The following ZNF813 variants were observed in gnomAD, a reference collection of about 807,000 sequenced individuals.
ZNF813 encodes the protein zinc finger protein 813.
ZNF813 carries 3 observed loss-of-function variants against 7.2 expected under a neutral mutation model. That is an observed-to-expected ratio of 0.42 (90% CI 0.19 to 1.08). The LOEUF is 1.08. Ranked by LOEUF, ZNF813 falls within the 50% of genes least tolerant of loss-of-function variation. ZNF813 has a pLI of 0.30. For synonymous variants in ZNF813, 227 were observed against 256.3 expected (o/e 0.89, Z 1.09); for missense variants, 714 against 753.3 (o/e 0.95, Z 0.61).
In ZNF813 at chr19:53,494,154, T is replaced by C. The variant is rs143093299; in HGVS notation, c.*2068T>C. The C allele has an allele frequency of 0.01, 1,527 of 152,332 alleles. 15 individuals carry two copies. Among genetic ancestry groups the C allele is most frequent in the Non-Finnish European group, 0.016 (1,117 of 68,028 alleles). 9.4% of individuals were successfully genotyped at this position (152,332 alleles called of 1,614,324 possible). A position where few individuals can be genotyped will look rare whatever the true frequency, so the allele number is the denominator to read the frequency against. On this transcript the variant is annotated 3_prime_UTR_variant, in exon 4 of 4. Coordinates refer to ENST00000396403, the MANE Select transcript of ZNF813 (RefSeq NM_001004301.4). ...TGGCACTTGAGTATCTACAGTCCTT[T>C]TTACATCCTCTTGAATACAGCTTTT...
Position 53,490,940 on chromosome 19 carries a change from C to T in ZNF813, c.708C>T (p.Ile236=). Reference sequence around the variant, plus strand: ...CACTCTTAAGGAAACATCAAATAATCCATTTAGGAGAGAAACAATATAAAT... The same window carrying T: ...CACTCTTAAGGAAACATCAAATAATTCATTTAGGAGAGAAACAATATAAAT... ...YSSLLRKHQI[I]HLGEKQYKCD... is the part of the protein sequence containing the mutation. Residue 236 remains isoleucine, a synonymous_variant, in exon 4 of 4, where the codon ATC becomes ATT. Transcript: ENST00000396403. 3 of 1,614,104 alleles carry T rather than the reference C, an allele frequency of 1.9e-6. No homozygotes were observed. Among genetic ancestry groups the T allele is most frequent in the Non-Finnish European group, 2.5e-6 (3 of 1,179,984 alleles).
At chr19:53,479,892 A>T in intron 1 of ZNF813, 7 of 934,138 alleles carry the variant, frequency 7.5e-6, no homozygotes, top group Non-Finnish European at 1.2e-5. Context: ...CAAAAAGAAG[A>T]CAAATGTGAG....
intron 1 of ZNF813, among the ~76,000 whole-genome samples, chr19:53,472,611 CT>C (rs1166123869): frequency 1.7e-3 from 224 of 128,422 alleles, no homozygotes; most frequent in African/African-American, 3.3e-3. Context: ...ACAAGTCTTT[CT>C]TTTTTTTTTT....
chr19:53,474,883 G>A (rs1333093024), intron 1 of ZNF813, among the ~76,000 whole-genome samples: 1 of 152,110 alleles, frequency 6.6e-6, no homozygotes, highest in Non-Finnish European at 1.5e-5. Flanking sequence ...TTGATTTGGA[G>A]TATAACTTGG....
At chr19:53,474,628 G>T (rs111424209) in intron 1 of ZNF813, among the ~76,000 whole-genome samples, 3,890 of 152,072 alleles carry the variant, frequency 0.026, 70 homozygotes, top group South Asian at 0.081. Context: ...AGCAGAGGTT[G>T]CAGTGAGCCA....
chr19:53,491,657 G>A lies in ZNF813; in HGVS notation c.1425G>A (p.Thr475=), dbSNP rs767350290. The A allele has an allele frequency of 2.6e-5, 42 of 1,612,960 alleles. No homozygotes were observed. In the East Asian group the frequency reaches 4.9e-4, roughly 19 times the overall value. ...KRYKCNECGK[T]FSRISALVIH... is the part of the protein sequence containing the mutation. ...ACAAGTGTAATGAGTGTGGCAAGAC[G>A]TTCAGTCGAATTTCAGCCCTCGTAA... Residue 475 remains threonine, a synonymous_variant, in exon 4 of 4, where the codon ACG becomes ACA. Coordinates refer to ENST00000396403, the MANE Select transcript of ZNF813 (RefSeq NM_001004301.4).
At position 53,483,811 on chromosome 19, in the gene ZNF813, A is replaced by G. The variant is rs781186094; in HGVS notation, c.-12A>G. ...AACCTGGAAGAGGAAGAGGAAAGCA[A>G]AGGAGTCAGGGATGGCTCTTCCTCA... On this transcript the variant is annotated 5_prime_UTR_variant, in exon 2 of 4. Transcript: ENST00000396403. 9 of 1,613,418 alleles carry G rather than the reference A, an allele frequency of 5.6e-6. No homozygotes were observed. Among genetic ancestry groups the G allele is most frequent in the Admixed American group, 1.7e-5 (1 of 60,000 alleles).
At chr19:53,473,617 G>C (rs905354640) in intron 1 of ZNF813, among the ~76,000 whole-genome samples, 3 of 152,198 alleles carry the variant, frequency 2.0e-5, no homozygotes, top group African/African-American at 7.2e-5. Flanking sequence ...ATGGGTCTTA[G>C]AGAAGTTGGA....
At chr19:53,469,851 G>T (rs113723935) in intron 1 of ZNF813, among the ~76,000 whole-genome samples, 1 of 150,746 alleles carries the variant, frequency 6.6e-6, no homozygotes, top group South Asian at 2.1e-4. Flanking sequence ...CAGAGGAGGC[G>T]CAGAGATGGT....
intron 1 of ZNF813, among the ~76,000 whole-genome samples, chr19:53,476,117 C>T (rs1376556223): frequency 6.6e-6 from 1 of 152,112 alleles, no homozygotes. Flanking sequence ...CTCACTATGA[C>T]ACCTAGATAT....
In ZNF813 at chr19:53,494,279, T is replaced by G. The variant is rs73601391; in HGVS notation, c.*2193T>G. On this transcript the variant is annotated 3_prime_UTR_variant, in exon 4 of 4. Transcript: ENST00000396403. ...TCCCAGTTTTTGCACCAAAATAAAC[T>G]GGTACGAATCTGTTATGTCTGAACA... 6.6e-6 allele frequency: 1 copy of G among 152,318 alleles called. No individual in the cohort carries two copies. Among genetic ancestry groups the G allele is most frequent in the African/African-American group, 2.4e-5 (1 of 41,568 alleles). 9.4% of individuals were successfully genotyped at this position (152,318 alleles called of 1,614,324 possible). A position where few individuals can be genotyped will look rare whatever the true frequency, so the allele number is the denominator to read the frequency against.
chr19:53,491,348 C>G lies in ZNF813; in HGVS notation c.1116C>G (p.Cys372Trp). ...TTAGTCGGAAGTCATCCCTTACATGCCATCATAGACTTCATACGGGAGAGA... is the reference window on the plus strand; with the variant it reads ...TTAGTCGGAAGTCATCCCTTACATGGCATCATAGACTTCATACGGGAGAGA... The part of the protein sequence containing the change: ...KTFSRKSSLT[C>W]HHRLHTGEKP... Residue 372 changes from cysteine (C) to tryptophan (W), a missense_variant, in exon 4 of 4, where the codon TGC becomes TGG. Coordinates refer to ENST00000396403, the MANE Select transcript of ZNF813 (RefSeq NM_001004301.4). The G allele has an allele frequency of 6.2e-7, 1 of 1,611,516 alleles. No individual in the cohort carries two copies. Among genetic ancestry groups the G allele is most frequent in the Middle Eastern group, 1.7e-4 (1 of 6,036 alleles).
chr19:53,490,354 ATT>A lies in ZNF813; in HGVS notation c.143-20_143-19del, dbSNP rs993659498. 1.9e-5 allele frequency: 30 copies of A among 1,612,532 alleles called. No individual in the cohort carries two copies. Among genetic ancestry groups the A allele is most frequent in the Admixed American group, 1.7e-5 (1 of 59,846 alleles). Reference sequence around the variant, plus strand: ...ACCATCTGTACTGAACTGGAAACCTATTCGTGTTTATATTTTGTAGATATCTC... The same window carrying A: ...ACCATCTGTACTGAACTGGAAACCTACGTGTTTATATTTTGTAGATATCTC... On this transcript the variant is annotated intron_variant, in intron 3 of 3. Coordinates refer to ENST00000396403, the MANE Select transcript of ZNF813 (RefSeq NM_001004301.4).
intron 3 of ZNF813, among the ~76,000 whole-genome samples, chr19:53,488,938 T>C (rs2086446796): frequency 1.3e-5 from 2 of 152,188 alleles, no homozygotes; most frequent in South Asian, 4.1e-4. Context: ...TTTTACTAAC[T>C]AATTTTTATG....
Position 53,491,464 on chromosome 19 carries a change from A to C in ZNF813, c.1232A>C (p.Tyr411Ser), listed in dbSNP as rs748225208. 9.9e-6 allele frequency: 16 copies of C among 1,614,048 alleles called. No individual in the cohort carries two copies. In the East Asian group the frequency reaches 3.3e-4, roughly 34 times the overall value. ...AGACTTCATACCGGAGAGAAGCCTT[A>C]CAAGTGTAATGAATGTGGCAAGGTT... ...HRRLHTGEKP[Y>S]KCNECGKVFN... Residue 411 changes from tyrosine (Y) to serine (S), a missense_variant, in exon 4 of 4, where the codon TAC becomes TCC. Physicochemically the swap from Tyr to Ser is moderately radical, Grantham distance 144 (BLOSUM62 -2). Coordinates refer to ENST00000396403, the MANE Select transcript of ZNF813 (RefSeq NM_001004301.4).
At position 53,492,356 on chromosome 19, in the gene ZNF813, A is replaced by G; in HGVS notation, c.*270A>G. On this transcript the variant is annotated 3_prime_UTR_variant, in exon 4 of 4. Transcript: ENST00000396403. ...CGAGCCTCAAAAGACAGGAGAATTC[A>G]TACTGGAGAGAAAGCTTACAAAGGT... 1.7e-6 allele frequency: 1 copy of G among 580,414 alleles called. No homozygotes were observed. Among genetic ancestry groups the G allele is most frequent in the Non-Finnish European group, 3.1e-6 (1 of 325,534 alleles). The allele number at this position is 580,414 out of a possible 1,614,324, so 36.0% of individuals were successfully genotyped here. A position where few individuals can be genotyped will look rare whatever the true frequency, so the allele number is the denominator to read the frequency against.
chr19:53,487,825 C>G (rs1473570841), intron 3 of ZNF813, among the ~76,000 whole-genome samples: 2 of 149,712 alleles, frequency 1.3e-5, no homozygotes, highest in Non-Finnish European at 3.0e-5. Flanking sequence ...ATTCCATAAC[C>G]TGCAAAAACT....
chr19:53,468,928 G>A (rs1443582734), intron 1 of ZNF813, among the ~76,000 whole-genome samples: 2 of 97,102 alleles, frequency 2.1e-5, no homozygotes, highest in Non-Finnish European at 4.6e-5. Context: ...GCTGGGGGAT[G>A]TAAGGTCTTT....
chr19:53,490,479 G>GGA lies in ZNF813; in HGVS notation c.250_251dup (p.Asp84GlufsTer15). The stretch of plus-strand genomic sequence containing the variant: ...GCAAAGACATGAAAGTCATCACACT[G>GGA]GAGACTTTCGCTTTCAGGAAATTGA... On this transcript the variant is annotated frameshift_variant, in exon 4 of 4. Transcript: ENST00000396403. LOFTEE classifies it low-confidence loss of function (END_TRUNC). 1 of 1,614,082 alleles carries GGA rather than the reference G, an allele frequency of 6.2e-7. No homozygotes were observed. The highest frequency in any genetic ancestry group is 8.5e-7 in the Non-Finnish European group (1 of 1,180,012).
Sources: allele counts gnomAD v4.1 joint callset (sites outside exome capture counted in the v4.1 genomes callset), GRCh38; gene constraint gnomAD v4.1.1; transcripts MANE v1.5; gene names NCBI Gene and HGNC (gene_info 2026-07-23, HGNC 2026-07-21).